JPH2: variants seen among roughly 807,000 people sequenced by gnomAD.
JPH2 encodes junctophilin 2, also known as junctophilin-2.
JPH2 carries 38 observed loss-of-function variants against 55.9 expected under a neutral mutation model. That is an observed-to-expected ratio of 0.68 (90% CI 0.52 to 0.89). The LOEUF (loss-of-function observed/expected upper bound fraction) is 0.89, where lower values mean the gene tolerates loss of function less well. Ranked by LOEUF, JPH2 falls within the 40% of genes least tolerant of loss-of-function variation. The pLI is 0.00. For missense variants in JPH2, 964 were observed against 1,037.6 expected, an observed-to-expected ratio of 0.93 and a Z score of 0.97; for synonymous variants, 480 against 472.4, an observed-to-expected ratio of 1.02 and a Z score of -0.21.
rs140012984 is a variant in JPH2, at chr20:44,109,244, C to A, written c.*4274G>T. On this transcript the variant is annotated 3_prime_UTR_variant, in exon 6 of 6. Coordinates refer to ENST00000372980, the MANE Select transcript of JPH2 (RefSeq NM_020433.5). ...CTCCCCAAGGCTCAATTTTCCTCAT[C>A]TGCAAAATGGGTGGACGAATACCTA... Among the ~76,000 whole-genome samples the A allele has an allele frequency of 1.2e-3, 187 of 152,306 alleles. 1 individual carries two copies. Among genetic ancestry groups the A allele is most frequent in the African/African-American group, 4.1e-3 (170 of 41,560 alleles).
At chr20:44,118,924 C>T (rs1394764603) in intron 2 of JPH2, among the ~76,000 whole-genome samples, 1 of 152,170 alleles carries the variant, frequency 6.6e-6, no homozygotes, top group Non-Finnish European at 1.5e-5. Flanking sequence ...CAGGCTTGGC[C>T]CATAAAAACT....
At position 44,163,302 on chromosome 20, in the gene JPH2, A is replaced by G. The variant is rs143667957; in HGVS notation, c.380-2895T>C. Among the ~76,000 whole-genome samples the G allele has an allele frequency of 9.9e-5, 15 of 152,182 alleles. No individual in the cohort carries two copies. The East Asian group carries it at 2.9e-3, about 29-fold the overall frequency. On this transcript the variant is annotated intron_variant, in intron 1 of 5. Transcript: ENST00000372980. ...GGCAATTCCTTTTCTTAACACCTCC[A>G]TTGTCTGCCTGTCAATGATGTGTTG...
At chr20:44,134,921 A>T (rs1425362522) in intron 2 of JPH2, among the ~76,000 whole-genome samples, 187 of 44,682 alleles carry the variant, frequency 4.2e-3, no homozygotes, top group Non-Finnish European at 6.8e-3. Flanking sequence ...TAAAATATAT[A>T]TATTTATATA....
At chr20:44,149,962 GGAAAAAAAA>G (rs371638213) in intron 2 of JPH2, among the ~76,000 whole-genome samples, 54,021 of 118,584 alleles carry the variant, frequency 0.46, 11,478 homozygotes, top group East Asian at 0.68. Flanking sequence ...GGGCGACAGA[GGAAAAAAAA>G]AAAAAAAAAA....
Position 44,160,080 on chromosome 20 carries a change from C to G in JPH2, c.707G>C (p.Arg236Pro). 6.5e-7 allele frequency: 1 copy of G among 1,533,306 alleles called. No homozygotes were observed. Among genetic ancestry groups the G allele is most frequent in the Non-Finnish European group, 8.7e-7 (1 of 1,145,154 alleles). The allele number at this position is 1,533,306 out of a possible 1,614,324, so 95.0% of individuals were successfully genotyped here. The change falls in exon 2 of 6, where the codon CGC becomes CCC. Residue 236 changes from arginine to proline, a missense_variant. Transcript: ENST00000372980. The surrounding 1 kb of genome is among the most constrained non-coding windows in gnomAD (Gnocchi z 4.9). ...LLGKLRRAESRTSVGSQRSRV... is the reference protein window; with the variant it reads ...LLGKLRRAESPTSVGSQRSRV... ...GCTGCGCTGGCTACCCACGGACGTG[C>G]GCGACTCTGCGCGCCGCAGCTTGCC... is the stretch of plus-strand genomic sequence containing the variant.
chr20:44,134,881 T>A (rs879552331), intron 2 of JPH2, among the ~76,000 whole-genome samples: 47,143 of 108,820 alleles, frequency 0.43, 10,087 homozygotes, highest in Admixed American at 0.55. Flanking sequence ...TATATTTATA[T>A]ATATATTAAT....
intron 2 of JPH2, among the ~76,000 whole-genome samples, chr20:44,156,735 T>A (rs2072568990): frequency 6.6e-6 from 1 of 152,150 alleles, no homozygotes; most frequent in African/African-American, 2.4e-5. Context: ...CAAAGATTAG[T>A]CTCAGAACTA....
chr20:44,173,537 C>T (rs1694368037), intron 1 of JPH2, among the ~76,000 whole-genome samples: 1 of 152,170 alleles, frequency 6.6e-6, no homozygotes, highest in Non-Finnish European at 1.5e-5. Flanking sequence ...AAACCCCCAT[C>T]TTCCCACTTG....
Position 44,148,236 on chromosome 20 carries a change from T to G in JPH2, c.1169+11382A>C, listed in dbSNP as rs550224964. Among the ~76,000 whole-genome samples the G allele has an allele frequency of 3.9e-5, 6 of 152,318 alleles. 1 individual carries two copies. Among genetic ancestry groups the G allele is most frequent in the Admixed American group, 3.9e-4 (6 of 15,304 alleles). On this transcript the variant is annotated intron_variant, in intron 2 of 5. Coordinates refer to ENST00000372980, the MANE Select transcript of JPH2 (RefSeq NM_020433.5). ...ATGCCTAAGTTAGAATTAGATGAGT[T>G]AATTTAGCTGAGCACTTAGTGGCCG...
At chr20:44,169,333 T>C (rs1027737137) in intron 1 of JPH2, among the ~76,000 whole-genome samples, 6 of 152,036 alleles carry the variant, frequency 3.9e-5, no homozygotes, top group Non-Finnish European at 7.4e-5. Flanking sequence ...CCTGCCACCA[T>C]GCCCAGCTAA....
At chr20:44,132,631 G>A (rs12185797) in intron 2 of JPH2, among the ~76,000 whole-genome samples, 13,860 of 133,402 alleles carry the variant, frequency 0.1, 806 homozygotes, top group Middle Eastern at 0.15. Context: ...CTCCACAGCT[G>A]CAGCTCTCAC....
Position 44,186,517 on chromosome 20 carries a change from G to A in JPH2, c.189C>T (p.Tyr63=). The A allele has an allele frequency of 6.2e-7, 1 of 1,613,792 alleles. No homozygotes were observed. Among genetic ancestry groups the A allele is most frequent in the Non-Finnish European group, 8.5e-7 (1 of 1,179,754 alleles). ...TWPSGNTFEG[Y]WSQGKRHGLG... is the part of the protein sequence containing the mutation. ...GCCCATGCCGTTTGCCCTGGCTCCA[G>A]TATCCCTCAAAGGTGTTTCCGCTGG... is the stretch of plus-strand genomic sequence containing the variant. Residue 63 remains tyrosine, a synonymous_variant, in exon 1 of 6, where the codon TAC becomes TAT. Transcript: ENST00000372980.
chr20:44,161,835 T>C (rs1267679691), intron 1 of JPH2, among the ~76,000 whole-genome samples: 2 of 152,162 alleles, frequency 1.3e-5, no homozygotes, highest in East Asian at 3.9e-4. Flanking sequence ...CTAGTGTTTT[T>C]AAACTGCCAT....
Position 44,108,632 on chromosome 20 carries a change from CA to C in JPH2, c.*4885del, listed in dbSNP as rs10630926. On this transcript the variant is annotated 3_prime_UTR_variant, in exon 6 of 6. Transcript: ENST00000372980. Reference sequence around the variant, plus strand: ...TGGGTGACAGAATGAGACTCTGTCTCAAAAAAAAAAAAAAAGAAAAGAGGAA... The same window carrying C: ...TGGGTGACAGAATGAGACTCTGTCTCAAAAAAAAAAAAAAGAAAAGAGGAA... Among the ~76,000 whole-genome samples the C allele has an allele frequency of 1.5e-3, 189 of 126,996 alleles. No homozygotes were observed. The highest frequency in any genetic ancestry group is 4.4e-3 in the Middle Eastern group (1 of 226). 83.3% of individuals were successfully genotyped at this position (126,996 alleles called of 152,430 possible). A position where few individuals can be genotyped will look rare whatever the true frequency, so the allele number is the denominator to read the frequency against.
intron 1 of JPH2, among the ~76,000 whole-genome samples, chr20:44,166,391 C>T (rs2145884967): frequency 6.6e-6 from 1 of 152,298 alleles, no homozygotes; most frequent in African/African-American, 2.4e-5. Flanking sequence ...AGGCAGAGAG[C>T]AGAGAAGATG....
chr20:44,179,561 T>C (rs898413752), intron 1 of JPH2, among the ~76,000 whole-genome samples: 3 of 152,148 alleles, frequency 2.0e-5, no homozygotes, highest in Non-Finnish European at 1.5e-5. Context: ...TCATGGGTGC[T>C]GGAACCATGC....
chr20:44,149,568 C>G (rs1391147424), intron 2 of JPH2, among the ~76,000 whole-genome samples: 1 of 152,224 alleles, frequency 6.6e-6, no homozygotes, highest in African/African-American at 2.4e-5. Flanking sequence ...TTCCCTGCTG[C>G]TCCATCCCAC....
chr20:44,164,241 G>T (rs1025346311), intron 1 of JPH2, among the ~76,000 whole-genome samples: 3 of 152,200 alleles, frequency 2.0e-5, no homozygotes, highest in Non-Finnish European at 4.4e-5. Context: ...AAACCAACAG[G>T]TCGCATTTCC....
intron 2 of JPH2, among the ~76,000 whole-genome samples, chr20:44,131,034 T>C (rs796932162): frequency 6.6e-6 from 1 of 152,188 alleles, no homozygotes; most frequent in Non-Finnish European, 1.5e-5. Context: ...TTCTTCAAAG[T>C]AAGAGATGTC....
Sources: allele counts gnomAD v4.1 joint callset (sites outside exome capture counted in the v4.1 genomes callset), GRCh38; gene constraint gnomAD v4.1.1; non-coding constraint Gnocchi (gnomAD v3.1); transcripts MANE v1.5; gene names NCBI Gene and HGNC (gene_info 2026-07-23, HGNC 2026-07-21).